CPNE2: variants seen among roughly 807,000 people sequenced by gnomAD.
CPNE2 encodes copine-2.
Under a neutral mutation model 69.7 loss-of-function variants are expected in CPNE2, and 42 were observed. The ratio of observed to expected loss-of-function variants is 0.60; its 90% CI spans 0.47 to 0.78. The LOEUF is 0.78. CPNE2 is among the 30% of genes least tolerant of loss of function. The pLI, the probability that CPNE2 is intolerant of heterozygous loss-of-function variation, is 0.00. For missense variants in CPNE2, 587 were observed against 732.0 expected, an observed-to-expected ratio of 0.80 and a Z score of 2.29; for synonymous variants, 294 against 289.8, an observed-to-expected ratio of 1.01 and a Z score of -0.15.
At chr16:57,131,277 G>A in intron 12 of CPNE2, among the ~76,000 whole-genome samples, 1 of 152,252 alleles carries the variant, frequency 6.6e-6, no homozygotes, top group East Asian at 1.9e-4. Flanking sequence ...CTGCCCTGCT[G>A]TGCCGCATTG....
At chr16:57,098,392 C>G (rs1197602804) in intron 1 of CPNE2, among the ~76,000 whole-genome samples, 2 of 152,210 alleles carry the variant, frequency 1.3e-5, no homozygotes, top group Non-Finnish European at 2.9e-5. Context: ...GTCAGGAGTG[C>G]CAGCCTGCTC....
chr16:57,124,290 C>T (rs1400967932), intron 10 of CPNE2: 5 of 420,210 alleles, frequency 1.2e-5, no homozygotes, highest in African/African-American at 8.2e-5. Context: ...CTATGTTGCC[C>T]AGGCTGGTCT....
At chr16:57,094,331 G>A (rs562602638) in intron 1 of CPNE2, among the ~76,000 whole-genome samples, 2 of 152,266 alleles carry the variant, frequency 1.3e-5, no homozygotes, top group Admixed American at 1.3e-4. Context: ...TGGGGAACAG[G>A]GAGCAGACGT....
At position 57,119,288 on chromosome 16, in the gene CPNE2, TG is replaced by T; in HGVS notation, c.591+15del. On this transcript the variant is annotated intron_variant, in intron 6 of 15. Transcript: ENST00000290776. ...GGTCCACAGGACTGAGGTGGGTACG[TG>T]GGGGCCCAGGGATCTCTAAGCAGTG... The T allele has an allele frequency of 6.2e-7, 1 of 1,613,584 alleles. No individual in the cohort carries two copies. Among genetic ancestry groups the T allele is most frequent in the Non-Finnish European group, 8.5e-7 (1 of 1,179,630 alleles).
intron 14 of CPNE2, among the ~76,000 whole-genome samples, chr16:57,140,013 CG>C (rs557932222): frequency 1.7e-3 from 260 of 152,132 alleles, no homozygotes; most frequent in African/African-American, 6.1e-3. Context: ...GAAGAGTGGC[CG>C]GGGTAGAGGG....
intron 14 of CPNE2, 114 bp from the exon 15 acceptor site, chr16:57,145,971 G>T: frequency 1.2e-6 from 1 of 855,644 alleles, no homozygotes. Flanking sequence ...GCTGCAGCTG[G>T]GTAAGATGCA....
At chr16:57,145,897 G>A (rs2069953575) in intron 14 of CPNE2, 188 bp from the exon 15 acceptor site, 1 of 610,626 alleles carries the variant, frequency 1.6e-6, no homozygotes, top group East Asian at 2.8e-5. Context: ...AGAGTTTAGA[G>A]CATGAGAGGC....
intron 13 of CPNE2, 71 bp from the exon 14 acceptor site, chr16:57,137,078 A>T: frequency 6.3e-7 from 1 of 1,577,646 alleles, no homozygotes; most frequent in South Asian, 1.1e-5. Flanking sequence ...TAGATGTTTC[A>T]TCAGCAGTGA....
At chr16:57,138,184 C>T (rs2069896693) in intron 14 of CPNE2, among the ~76,000 whole-genome samples, 2 of 152,196 alleles carry the variant, frequency 1.3e-5, no homozygotes, top group Non-Finnish European at 2.9e-5. Context: ...CCACTACCTC[C>T]TGGGAGACCT....
At chr16:57,107,959 C>T (rs1221281344) in intron 1 of CPNE2, among the ~76,000 whole-genome samples, 1 of 151,292 alleles carries the variant, frequency 6.6e-6, no homozygotes, top group Non-Finnish European at 1.5e-5. Flanking sequence ...CAATCTCCAC[C>T]TCCTGGGTTC....
rs574224510 is a variant in CPNE2 at position 57,110,735 on chromosome 16, C to T, written c.-8C>T. The T allele has an allele frequency of 2.4e-5, 38 of 1,595,648 alleles. No homozygotes were observed. The highest frequency in any genetic ancestry group is 3.4e-5 in the South Asian group (3 of 89,312). ...TGCCAGGAACTCCTGCCACCGCCACCGGCTCCCATGGCCCACATACCCAGT... is the reference window on the plus strand; with the variant it reads ...TGCCAGGAACTCCTGCCACCGCCACTGGCTCCCATGGCCCACATACCCAGT... On this transcript the variant is annotated 5_prime_UTR_variant, in exon 2 of 16. Transcript: ENST00000290776.
At position 57,146,143 on chromosome 16, in the gene CPNE2, G is replaced by T. The variant is rs749986348; in HGVS notation, c.1361G>T (p.Arg454Leu). 1 of 1,593,998 alleles carries T rather than the reference G, an allele frequency of 6.3e-7. No individual in the cohort carries two copies. The highest frequency in any genetic ancestry group is 8.5e-7 in the Non-Finnish European group (1 of 1,169,594). The change falls in exon 15 of 16, where the codon CGG becomes CTG. Residue 454 changes from arginine to leucine, a missense_variant. This residue lies in a region of CPNE2 where 185 missense variants were observed against 252.3 expected (regional missense o/e 0.73). Coordinates refer to ENST00000290776, the MANE Select transcript of CPNE2 (RefSeq NM_152727.6). This position sits in a 1 kb window ranked among gnomAD's most constrained non-coding sequence, Gnocchi z 4.4. ...GTCATCAGTGACATGGAGGAGACAC[G>T]GCATGCCGTGGTGCAGGCTTCCAAG... ...DGVISDMEET[R>L]HAVVQASKLP...
chr16:57,135,879 A>G (rs1390631146), intron 13 of CPNE2, among the ~76,000 whole-genome samples: 1 of 149,864 alleles, frequency 6.7e-6, no homozygotes, highest in Non-Finnish European at 1.5e-5. Context: ...GTCTCAAAAA[A>G]AAAAAAAAAA....
At chr16:57,123,987 G>C (rs1433778050) in intron 10 of CPNE2, 1 of 174,172 alleles carries the variant, frequency 5.7e-6, no homozygotes, top group Non-Finnish European at 1.2e-5. Flanking sequence ...GGCCTGAGGA[G>C]GTAACGGAGG....
At position 57,117,528 on chromosome 16, in the gene CPNE2, C is replaced by T. The variant is rs1479861569; in HGVS notation, c.468C>T (p.Val156=). 2.5e-6 allele frequency: 4 copies of T among 1,613,856 alleles called. No individual in the cohort carries two copies. The highest frequency in any genetic ancestry group is 3.4e-6 in the Non-Finnish European group (4 of 1,179,956). Residue 156 remains valine (V), a synonymous_variant, in exon 5 of 16, where the codon GTC becomes GTT. Coordinates refer to ENST00000290776, the MANE Select transcript of CPNE2 (RefSeq NM_152727.6). ...CCCAGGAGCTGTCCGACAACCGCGTCATCACACTAAGCCTGGCGGGCAGGA... is the reference window on the plus strand; with the variant it reads ...CCCAGGAGCTGTCCGACAACCGCGTTATCACACTAAGCCTGGCGGGCAGGA... ...IAAQELSDNR[V]ITLSLAGRRL...
At chr16:57,097,355 C>T (rs1201586798) in intron 1 of CPNE2, among the ~76,000 whole-genome samples, 1 of 152,122 alleles carries the variant, frequency 6.6e-6, no homozygotes, top group African/African-American at 2.4e-5. Context: ...AGTCCCTGGT[C>T]CAGAGGAACT....
At chr16:57,118,290 C>G (rs567974215) in intron 5 of CPNE2, among the ~76,000 whole-genome samples, 1 of 150,770 alleles carries the variant, frequency 6.6e-6, no homozygotes, top group African/African-American at 2.4e-5. Context: ...CTCAGCCTCC[C>G]GAGTAGCTGG....
intron 9 of CPNE2, among the ~76,000 whole-genome samples, chr16:57,122,688 G>A (rs2145260687): frequency 6.6e-6 from 1 of 152,266 alleles, no homozygotes. Context: ...CGCCTTCCAG[G>A]TTCAAGGGAT....
chr16:57,115,880 G>C (rs2069715755), intron 4 of CPNE2, among the ~76,000 whole-genome samples: 1 of 152,220 alleles, frequency 6.6e-6, no homozygotes, highest in Admixed American at 6.5e-5. Flanking sequence ...CCTGCAATGC[G>C]CAACGACTCC....
Sources: allele counts gnomAD v4.1 joint callset (sites outside exome capture counted in the v4.1 genomes callset), GRCh38; gene constraint gnomAD v4.1.1; regional missense constraint gnomAD v4.1.1; non-coding constraint Gnocchi (gnomAD v3.1); transcripts MANE v1.5; gene names NCBI Gene and HGNC (gene_info 2026-07-23, HGNC 2026-07-21).